Variants in DLGAP1 observed in about 807,000 individuals in gnomAD.
The protein encoded by DLGAP1 is DLG associated protein 1, also known as disks large-associated protein 1.
DLGAP1 carries 11 observed loss-of-function variants against 90.8 expected under a neutral mutation model. The ratio of observed to expected loss-of-function variants is 0.12; its 90% CI spans 0.08 to 0.20. The LOEUF (loss-of-function observed/expected upper bound fraction) is 0.20, where lower values mean the gene tolerates loss of function less well. DLGAP1 is among the 10% of genes least tolerant of loss of function. DLGAP1 has a pLI of 1.00. For synonymous variants in DLGAP1, 558 were observed against 540.7 expected (o/e 1.03, Z -0.44); for missense variants, 1,050 against 1,333.8 (o/e 0.79, Z 3.31).
intron 1 of DLGAP1, among the ~76,000 whole-genome samples, chr18:4,377,910 C>A (rs1026391000): frequency 1.3e-4 from 20 of 151,888 alleles, no homozygotes; most frequent in Non-Finnish European, 2.2e-4. Flanking sequence ...ATGCACAAAA[C>A]TATGTTTAAG....
chr18:3,878,883 C>G (rs1158059157), intron 4 of DLGAP1, among the ~76,000 whole-genome samples: 1 of 152,188 alleles, frequency 6.6e-6, no homozygotes, highest in Non-Finnish European at 1.5e-5. Flanking sequence ...GCGTGCTTTT[C>G]AAAGCACTTG....
intron 1 of DLGAP1, among the ~76,000 whole-genome samples, chr18:4,192,678 A>G (rs1179227904): frequency 6.6e-6 from 1 of 152,190 alleles, no homozygotes; most frequent in African/African-American, 2.4e-5. Flanking sequence ...CCAAGTGAAG[A>G]TCTAGAGGAA....
chr18:4,004,309 T>C (rs1336295863), intron 3 of DLGAP1, among the ~76,000 whole-genome samples: 1 of 152,180 alleles, frequency 6.6e-6, no homozygotes, highest in African/African-American at 2.4e-5. Flanking sequence ...CTTTTCCTGT[T>C]TCCTGGATAT....
intron 1 of DLGAP1, among the ~76,000 whole-genome samples, chr18:4,412,353 A>G (rs1306352319): frequency 1.3e-5 from 2 of 152,232 alleles, no homozygotes; most frequent in African/African-American, 2.4e-5. Flanking sequence ...TGGCATAAAC[A>G]TGATGCAGAG....
chr18:4,045,990 A>G (rs1309232414), intron 2 of DLGAP1, among the ~76,000 whole-genome samples: 1 of 152,094 alleles, frequency 6.6e-6, no homozygotes, highest in Non-Finnish European at 1.5e-5. Flanking sequence ...TTAAAAAATT[A>G]CTAAGAATAG....
At chr18:3,866,517 G>C (rs772045326) in intron 4 of DLGAP1, among the ~76,000 whole-genome samples, 3 of 152,168 alleles carry the variant, frequency 2.0e-5, no homozygotes, top group Non-Finnish European at 2.9e-5. Flanking sequence ...GAAACCTCCT[G>C]TTCTTGCGTC....
chr18:3,931,751 A>AT (rs1448193947), intron 3 of DLGAP1, among the ~76,000 whole-genome samples: 10 of 152,146 alleles, frequency 6.6e-5, no homozygotes, highest in Non-Finnish European at 1.0e-4. Flanking sequence ...TGCACAGAGA[A>AT]TTTTTTTTAA....
Position 3,646,786 on chromosome 18 carries a change from G to A in DLGAP1, c.1592-64538C>T, listed in dbSNP as rs991534847. On this transcript the variant is annotated intron_variant, in intron 7 of 12. Coordinates refer to ENST00000315677, the MANE Select transcript of DLGAP1 (RefSeq NM_004746.4). ...AAAAAATACAAAAAATTAGCCGGGC[G>A]TGGTGGTGGGCGCCTGTAGTCCCAG... 9.2e-5 allele frequency among the ~76,000 whole-genome samples: 14 copies of A among 151,978 alleles called. 1 individual carries two copies. Among genetic ancestry groups the A allele is most frequent in the East Asian group, 7.7e-4 (4 of 5,178 alleles).
intron 3 of DLGAP1, among the ~76,000 whole-genome samples, chr18:3,974,997 A>G (rs2073540309): frequency 6.6e-6 from 1 of 152,116 alleles, no homozygotes; most frequent in Non-Finnish European, 1.5e-5. Flanking sequence ...TAGACACAGA[A>G]AGTGGAATGG....
chr18:3,860,741 C>T (rs990523513), intron 4 of DLGAP1, among the ~76,000 whole-genome samples: 1 of 152,172 alleles, frequency 6.6e-6, no homozygotes, highest in Non-Finnish European at 1.5e-5. Flanking sequence ...GAAAAAGGGA[C>T]TTTGCAGATG....
At chr18:3,955,421 G>T (rs962022627) in intron 3 of DLGAP1, among the ~76,000 whole-genome samples, 2 of 152,120 alleles carry the variant, frequency 1.3e-5, no homozygotes, top group African/African-American at 4.8e-5. Flanking sequence ...AAAAAGTTAG[G>T]TAGAGACAGG....
chr18:4,209,031 G>A (rs1212327156), intron 1 of DLGAP1, among the ~76,000 whole-genome samples: 1 of 152,214 alleles, frequency 6.6e-6, no homozygotes, highest in Non-Finnish European at 1.5e-5. Context: ...GTCCTCAGGT[G>A]AGGCCGGGTG....
rs184116547 is a variant in DLGAP1 at position 3,760,045 on chromosome 18, T to C, written c.1173-17533A>G. ...AATGCTCTGCTGGTCAGTTTCTTCA[T>C]CAAAACGTGGGCTTCCCGAGGGCAG... is the stretch of plus-strand genomic sequence containing the variant. On this transcript the variant is annotated intron_variant, in intron 5 of 12. Coordinates refer to ENST00000315677, the MANE Select transcript of DLGAP1 (RefSeq NM_004746.4). Among the ~76,000 whole-genome samples the C allele has an allele frequency of 2.6e-5, 4 of 152,302 alleles. No homozygotes were observed. In the East Asian group the frequency reaches 7.7e-4, roughly 29 times the overall value.
At chr18:3,724,760 A>G (rs1020348827) in intron 7 of DLGAP1, among the ~76,000 whole-genome samples, 1 of 151,960 alleles carries the variant, frequency 6.6e-6, no homozygotes, top group Non-Finnish European at 1.5e-5. Context: ...AAAATTAGCC[A>G]GGCGTGGTGA....
chr18:3,690,520 T>C (rs1256488088), intron 7 of DLGAP1, among the ~76,000 whole-genome samples: 1 of 152,128 alleles, frequency 6.6e-6, no homozygotes, highest in Non-Finnish European at 1.5e-5. Context: ...GGCCCTTGAT[T>C]GATTCTGAAG....
chr18:3,808,549 G>A (rs559289338), intron 5 of DLGAP1, among the ~76,000 whole-genome samples: 1 of 152,088 alleles, frequency 6.6e-6, no homozygotes, highest in East Asian at 1.9e-4. Context: ...ACAGGTAGGA[G>A]AGGAACAAAA....
At chr18:3,942,384 C>T (rs72863492) in intron 3 of DLGAP1, among the ~76,000 whole-genome samples, 20 of 152,266 alleles carry the variant, frequency 1.3e-4, no homozygotes, top group South Asian at 2.1e-4. Flanking sequence ...ACTGCACAGT[C>T]GGAGCTTTCC....
chr18:3,539,466 A>G (rs1037934174), intron 9 of DLGAP1, among the ~76,000 whole-genome samples: 3 of 152,234 alleles, frequency 2.0e-5, no homozygotes, highest in African/African-American at 7.2e-5. Flanking sequence ...CAAAGACTGG[A>G]TCAACCAGTA....
rs2059638477 is a variant in DLGAP1 at position 3,660,153 on chromosome 18, T to C, written c.1591+68982A>G. Among the ~76,000 whole-genome samples the C allele has an allele frequency of 1.3e-5, 2 of 152,178 alleles. No homozygotes were observed. Among genetic ancestry groups the C allele is most frequent in the African/African-American group, 4.8e-5 (2 of 41,436 alleles). ...AACTCTATCCCATTGCTCTTATTTA[T>C]TTATTTGTTTACTTAATTTTTATTT... On this transcript the variant is annotated intron_variant, in intron 7 of 12. Transcript: ENST00000315677. The surrounding 1 kb of genome is among the most constrained non-coding windows in gnomAD (Gnocchi z 4.2).
Sources: gnomAD v4.1 joint callset for allele counts (sites outside exome capture counted in the v4.1 genomes callset) on GRCh38, gnomAD v4.1.1 for gene constraint, Gnocchi (gnomAD v3.1) non-coding constraint, MANE v1.5 for transcripts, NCBI Gene and HGNC (gene_info 2026-07-23, HGNC 2026-07-21) for gene names.